TTI2: variants seen among roughly 807,000 people sequenced by gnomAD.
TTI2 encodes the protein TELO2 interacting protein 2, also known as TELO2-interacting protein 2.
A neutral mutation model predicts 44.9 loss-of-function variants in TTI2; 26 were observed. The observed-to-expected ratio is 0.58, with a 90% confidence interval of 0.42 to 0.80. The LOEUF (loss-of-function observed/expected upper bound fraction) is 0.80. Ranked by LOEUF, TTI2 falls within the 30% of genes least tolerant of loss-of-function variation. TTI2 has a pLI of 0.00. For synonymous variants in TTI2, 254 were observed against 250.9 expected, an observed-to-expected ratio of 1.01 and a Z score of -0.12; for missense variants, 582 against 611.6, an observed-to-expected ratio of 0.95 and a Z score of 0.51.
chr8:33,503,542 C>CT lies in TTI2; in HGVS notation c.1145dup (p.Arg383GlufsTer14). The CT allele has an allele frequency of 6.2e-7, 1 of 1,614,072 alleles. No individual in the cohort carries two copies. Among genetic ancestry groups the CT allele is most frequent in the Admixed American group, 1.7e-5 (1 of 59,998 alleles). On this transcript the variant is annotated frameshift_variant, in exon 6 of 8. Coordinates refer to ENST00000431156, the MANE Select transcript of TTI2 (RefSeq NM_001102401.4). LOFTEE classifies it high-confidence loss of function. ...AACCAATGATGACTCTCTCCAGCCT[C>CT]TTTAAGTGCCGGACAGTTAGGATCC...
rs1394009870 is a variant in TTI2 at position 33,498,722 on chromosome 8, T to C, written c.*451A>G. 1 of 1,099,570 alleles carries C rather than the reference T, an allele frequency of 9.1e-7. No homozygotes were observed. Among genetic ancestry groups the C allele is most frequent in the East Asian group, 2.5e-5 (1 of 39,750 alleles). 68.1% of individuals were successfully genotyped at this position (1,099,570 alleles called of 1,614,324 possible). On this transcript the variant is annotated 3_prime_UTR_variant, in exon 8 of 8. Coordinates refer to ENST00000431156, the MANE Select transcript of TTI2 (RefSeq NM_001102401.4). ...ACACATACACACCTCCAGTTTTTGCTCTTTTGTGTTGTACTGAACACAATA... is the reference window on the plus strand; with the variant it reads ...ACACATACACACCTCCAGTTTTTGCCCTTTTGTGTTGTACTGAACACAATA...
In TTI2 at chr8:33,500,337, T is replaced by C; in HGVS notation, c.1413A>G (p.Gly471=). The C allele has an allele frequency of 6.2e-7, 1 of 1,614,080 alleles. No individual in the cohort carries two copies. Among genetic ancestry groups the C allele is most frequent in the Non-Finnish European group, 8.5e-7 (1 of 1,180,008 alleles). ...TTTCAGTCTGCCTTACCTTTACCCG[T>C]CCTTGAGAACAGCGGTCCAGGAGAA... ...CLILLDRCSQ[G]RVKGLLAKIP... is the part of the protein sequence containing the mutation. The change falls in exon 7 of 8, where the codon GGA becomes GGG. Residue 471 remains glycine (G), a synonymous_variant. Coordinates refer to ENST00000431156, the MANE Select transcript of TTI2 (RefSeq NM_001102401.4).
intron 2 of TTI2, 103 bp from the exon 3 acceptor site, chr8:33,510,035 GA>G (rs551261942): frequency 2.3e-3 from 1,815 of 806,232 alleles, no homozygotes; most frequent in Middle Eastern, 3.5e-3. Context: ...TCATGTCTTT[GA>G]AAAAAAAAAT....
At chr8:33,509,555 C>A (rs2128830413) in intron 3 of TTI2, among the ~76,000 whole-genome samples, 191 bp downstream of exon 3, 1 of 150,844 alleles carries the variant, frequency 6.6e-6, no homozygotes, top group Non-Finnish European at 1.5e-5. Flanking sequence ...CTTCCTGTTT[C>A]TTCTATAATT....
intron 4 of TTI2, among the ~76,000 whole-genome samples, chr8:33,506,634 G>C (rs577360020): frequency 6.7e-6 from 1 of 149,624 alleles, no homozygotes; most frequent in Non-Finnish European, 1.5e-5. Flanking sequence ...CTCGTGATCC[G>C]CCCGCCTCGG....
In TTI2 at chr8:33,510,075, T is replaced by C. The variant is rs919541957; in HGVS notation, c.648-143A>G. The C allele has an allele frequency of 1.3e-5, 9 of 696,892 alleles. No individual in the cohort carries two copies. The Admixed American group carries it at 1.4e-4, about 11-fold the overall frequency. 43.2% of individuals were successfully genotyped at this position (696,892 alleles called of 1,614,324 possible). A position where few individuals can be genotyped will look rare whatever the true frequency, so the allele number is the denominator to read the frequency against. On this transcript the variant is annotated intron_variant, in intron 2 of 7. Coordinates refer to ENST00000431156, the MANE Select transcript of TTI2 (RefSeq NM_001102401.4). ...TCGCACATAAGATAACTCTTGATTC[T>C]ATATCATACATTCTAAGATCTGGAT...
At chr8:33,509,455 C>CAAAA (rs767485555) in intron 3 of TTI2, among the ~76,000 whole-genome samples, 31 of 69,188 alleles carry the variant, frequency 4.5e-4, no homozygotes, top group South Asian at 1.0e-3. Context: ...GACTCCCTCT[C>CAAAA]AAAAAAAAAA....
At chr8:33,499,998 C>CT (rs368790113) in intron 7 of TTI2, 877 of 169,856 alleles carry the variant, frequency 5.2e-3, no homozygotes, top group Middle Eastern at 0.013. Flanking sequence ...ATTATTTTTA[C>CT]TTTTTTTTTT....
intron 3 of TTI2, among the ~76,000 whole-genome samples, chr8:33,508,879 T>C (rs1016675492): frequency 3.3e-5 from 5 of 151,940 alleles, no homozygotes; most frequent in African/African-American, 1.2e-4. Context: ...GGGTGGCTCA[T>C]CTCTATAATC....
chr8:33,503,111 A>G (rs555714425), intron 6 of TTI2, among the ~76,000 whole-genome samples: 40 of 142,476 alleles, frequency 2.8e-4, no homozygotes, highest in Non-Finnish European at 4.9e-4. Context: ...CCTGGGCGAC[A>G]GTGTGAGACT....
At chr8:33,509,132 C>A (rs1484011931) in intron 3 of TTI2, among the ~76,000 whole-genome samples, 217 of 96,882 alleles carry the variant, frequency 2.2e-3, no homozygotes, top group Middle Eastern at 6.3e-3. Flanking sequence ...GATAATGTCT[C>A]AAAAAAAAAA....
chr8:33,511,353 A>G (rs551113166), intron 2 of TTI2, among the ~76,000 whole-genome samples: 1 of 152,076 alleles, frequency 6.6e-6, no homozygotes, highest in South Asian at 2.1e-4. Flanking sequence ...ACATTTTGTA[A>G]TTATTAACTC....
At chr8:33,503,381 T>C in intron 6 of TTI2, 48 bp downstream of exon 6, 2 of 1,613,628 alleles carry the variant, frequency 1.2e-6, no homozygotes, top group South Asian at 2.2e-5. Flanking sequence ...TCCAAGCAAG[T>C]TCTCAAGAGA....
At chr8:33,511,031 T>A (rs1274569771) in intron 2 of TTI2, among the ~76,000 whole-genome samples, 1 of 152,100 alleles carries the variant, frequency 6.6e-6, no homozygotes, top group South Asian at 2.1e-4. Flanking sequence ...AAATCCCCCA[T>A]CCAAATTCTA....
chr8:33,503,144 A>AAC (rs1554526849), intron 6 of TTI2, among the ~76,000 whole-genome samples: 10 of 145,312 alleles, frequency 6.9e-5, no homozygotes, highest in Non-Finnish European at 1.2e-4. Flanking sequence ...AAAAAAAAAA[A>AAC]AAAACAAAAA....
intron 6 of TTI2, among the ~76,000 whole-genome samples, chr8:33,502,489 G>A (rs1472701297): frequency 6.6e-6 from 1 of 151,358 alleles, no homozygotes; most frequent in Non-Finnish European, 1.5e-5. Flanking sequence ...GCATCAAAGA[G>A]TACCTAGATG....
At chr8:33,504,246 T>C (rs1359974505) in intron 4 of TTI2, among the ~76,000 whole-genome samples, 2 of 149,862 alleles carry the variant, frequency 1.3e-5, no homozygotes, top group Non-Finnish European at 3.0e-5. Flanking sequence ...ACTGTTACTA[T>C]GTCACTAAGT....
chr8:33,503,353 CT>C, intron 6 of TTI2, 75 bp downstream of exon 6: 5 of 1,581,516 alleles, frequency 3.2e-6, no homozygotes, highest in Non-Finnish European at 4.3e-6. Flanking sequence ...ATACTTTGTA[CT>C]GAATGTATTA....
chr8:33,503,128 CAAAAAA>C (rs397973510), intron 6 of TTI2, among the ~76,000 whole-genome samples: 19 of 47,282 alleles, frequency 4.0e-4, no homozygotes, highest in African/African-American at 9.7e-4. Flanking sequence ...GACTCCATTT[CAAAAAA>C]AAAAAAAAAA....
Sources: gnomAD v4.1 joint callset for allele counts (sites outside exome capture counted in the v4.1 genomes callset) on GRCh38, gnomAD v4.1.1 for gene constraint, MANE v1.5 for transcripts, NCBI Gene and HGNC (gene_info 2026-07-23, HGNC 2026-07-21) for gene names.